Variants in HELZ observed in about 807,000 individuals in gnomAD.
HELZ encodes ATP-dependent RNA helicase with zinc finger domain.
Under a neutral mutation model 218.2 loss-of-function variants are expected in HELZ, and 23 were observed. The ratio of observed to expected loss-of-function variants is 0.11; its 90% CI spans 0.08 to 0.15. The LOEUF is 0.15. Among genes scored for constraint, HELZ ranks in the 10% least tolerant of loss-of-function variants. The pLI is 1.00. For synonymous variants in HELZ, 814 were observed against 829.4 expected (o/e 0.98, Z 0.32); for missense variants, 1,813 against 2,353.7 (o/e 0.77, Z 4.75).
chr17:67,204,969 G>GTGGGTCAGA (rs1013036966), intron 5 of HELZ, among the ~76,000 whole-genome samples: 1 of 152,106 alleles, frequency 6.6e-6, no homozygotes, highest in African/African-American at 2.4e-5. Context: ...GACCCTCAGT[G>GTGGGTCAGA]TGGCCATCTG....
In HELZ at chr17:67,076,153, T is replaced by C. The variant is rs1408466957; in HGVS notation, c.*2099A>G. 1.3e-5 allele frequency: 2 copies of C among 152,408 alleles called. No individual in the cohort carries two copies. The highest frequency in any genetic ancestry group is 6.5e-5 in the Admixed American group (1 of 15,274). 9.4% of individuals were successfully genotyped at this position (152,408 alleles called of 1,614,324 possible). A position where few individuals can be genotyped will look rare whatever the true frequency, so the allele number is the denominator to read the frequency against. ...GATTGCTTTTGAACATTTATCTAGC[T>C]TGCGTTGTAGTCCTGTATATGGGGG... On this transcript the variant is annotated 3_prime_UTR_variant, in exon 33 of 33. Coordinates refer to ENST00000358691, the MANE Select transcript of HELZ (RefSeq NM_014877.4).
At chr17:67,126,975 A>G (rs919331090) in intron 24 of HELZ, among the ~76,000 whole-genome samples, 1 of 152,162 alleles carries the variant, frequency 6.6e-6, no homozygotes, top group Non-Finnish European at 1.5e-5. Flanking sequence ...CTTAAGCTTT[A>G]CTCATTCATT....
In HELZ at chr17:67,152,846, G is replaced by A. The variant is rs527305811; in HGVS notation, c.2178-1622C>T. 7.9e-5 allele frequency among the ~76,000 whole-genome samples: 12 copies of A among 151,676 alleles called. No individual in the cohort carries two copies. In the South Asian group the frequency reaches 2.5e-3, roughly 32 times the overall value. ...CCAACATTCAGAAGCTGGGAAAGGA[G>A]CCTGGGAAGGAGCAAAGAAATAGGA... On this transcript the variant is annotated intron_variant, in intron 17 of 32. Transcript: ENST00000358691.
intron 3 of HELZ, among the ~76,000 whole-genome samples, chr17:67,220,343 C>T (rs1290493273): frequency 4.6e-5 from 7 of 152,158 alleles, no homozygotes. Context: ...TCTACCAAAA[C>T]AGTAGAAATA....
intron 31 of HELZ, among the ~76,000 whole-genome samples, chr17:67,089,043 A>G (rs1360597996): frequency 1.7e-5 from 2 of 118,086 alleles, no homozygotes; most frequent in Admixed American, 1.8e-4. Context: ...GAAATGTAGT[A>G]TTTCTTTCTA....
chr17:67,208,308 G>A (rs966580312), intron 5 of HELZ, among the ~76,000 whole-genome samples: 9 of 152,090 alleles, frequency 5.9e-5, no homozygotes, highest in Admixed American at 2.0e-4. Context: ...AGATCTTCAC[G>A]ATGATGGAGC....
intron 5 of HELZ, among the ~76,000 whole-genome samples, chr17:67,214,776 A>T (rs1456250268): frequency 6.6e-6 from 1 of 152,166 alleles, no homozygotes. Flanking sequence ...TCATTCTAGT[A>T]AACAGCAACA....
intron 5 of HELZ, among the ~76,000 whole-genome samples, chr17:67,210,353 A>T (rs557183343): frequency 6.6e-6 from 1 of 152,334 alleles, no homozygotes; most frequent in East Asian, 1.9e-4. Flanking sequence ...CCTCTTTAAC[A>T]GGGGTTGCTG....
In HELZ at chr17:67,151,157, T is replaced by G; in HGVS notation, c.2245A>C (p.Ser749Arg). The G allele has an allele frequency of 3.7e-6, 6 of 1,614,036 alleles. No homozygotes were observed. The highest frequency in any genetic ancestry group is 5.1e-6 in the Non-Finnish European group (6 of 1,179,904). ...GGCATCTGAAAGGTGGAATGTGCGC[T>G]TGAGATCAAACAGTACTGATGCACA... Reference protein sequence around the residue: ...PVVHQYCLISSAHSTFQMPQK... With the variant: ...PVVHQYCLISRAHSTFQMPQK... Residue 749 changes from serine to arginine, a missense_variant, in exon 18 of 33, where the codon AGC (serine) becomes CGC (arginine). Transcript: ENST00000358691.
In HELZ at chr17:67,220,148, C is replaced by A. The variant is rs927523154; in HGVS notation, c.-18-1326G>T. Among the ~76,000 whole-genome samples the A allele has an allele frequency of 3.9e-5, 6 of 152,284 alleles. No homozygotes were observed. In the East Asian group the frequency reaches 9.6e-4, roughly 24 times the overall value. ...CATATATGTTCTCTGCCAGCCTTCTCGGCTTTTATAATGACACATGGGCCC... is the reference window on the plus strand; with the variant it reads ...CATATATGTTCTCTGCCAGCCTTCTAGGCTTTTATAATGACACATGGGCCC... On this transcript the variant is annotated intron_variant, in intron 3 of 32. Transcript: ENST00000358691.
At chr17:67,199,118 A>G (rs2040101654) in intron 7 of HELZ, among the ~76,000 whole-genome samples, 1 of 152,082 alleles carries the variant, frequency 6.6e-6, no homozygotes, top group Non-Finnish European at 1.5e-5. Flanking sequence ...AGTCTAAAAC[A>G]TCTACAACTG....
At chr17:67,209,122 A>T (rs1441959830) in intron 5 of HELZ, among the ~76,000 whole-genome samples, 4 of 55,576 alleles carry the variant, frequency 7.2e-5, no homozygotes, top group East Asian at 5.1e-4. Context: ...TGGGGAATTA[A>T]AAAAAAAAAA....
intron 31 of HELZ, among the ~76,000 whole-genome samples, chr17:67,104,450 C>A (rs9890174): frequency 0.6 from 87,463 of 146,870 alleles, 27,329 homozygotes; most frequent in East Asian, 0.88. Context: ...AAAAAAAAAA[C>A]AAACAACTAT....
At position 67,166,612 on chromosome 17, in the gene HELZ, A is replaced by T; in HGVS notation, c.1765-4T>A. The stretch of plus-strand genomic sequence containing the variant: ...TTAATTGAAACTGAAGTTCAACCTG[A>T]AAGACAAAATGAATGTTTTAAAAAC... On this transcript the variant is annotated splice_polypyrimidine_tract_variant and splice_region_variant and intron_variant, in intron 14 of 32. Transcript: ENST00000358691. 1 of 1,613,266 alleles carries T rather than the reference A, an allele frequency of 6.2e-7. No individual in the cohort carries two copies. The highest frequency in any genetic ancestry group is 8.5e-7 in the Non-Finnish European group (1 of 1,179,392).
intron 24 of HELZ, among the ~76,000 whole-genome samples, chr17:67,127,277 T>C (rs573997633): frequency 1.2e-4 from 18 of 152,200 alleles, no homozygotes; most frequent in Non-Finnish European, 1.9e-4. Context: ...CTTTAGCACC[T>C]ACAATAACAT....
intron 7 of HELZ, among the ~76,000 whole-genome samples, chr17:67,199,298 C>T (rs2040109925): frequency 6.6e-6 from 1 of 150,458 alleles, no homozygotes; most frequent in Admixed American, 6.7e-5. Flanking sequence ...CTGCAACTTC[C>T]GCCTCCTGGG....
chr17:67,200,664 G>C (rs984978490), intron 7 of HELZ: 3 of 153,656 alleles, frequency 2.0e-5, no homozygotes, highest in African/African-American at 7.2e-5. Flanking sequence ...CTGAGCCAAG[G>C]GAGGTCGAGG....
chr17:67,203,373 C>T lies in HELZ; in HGVS notation c.318G>A (p.Gly106=), dbSNP rs759813800. 2.2e-5 allele frequency: 36 copies of T among 1,614,166 alleles called. No homozygotes were observed. Among genetic ancestry groups the T allele is most frequent in the Non-Finnish European group, 3.0e-5 (35 of 1,180,002 alleles). Residue 106 remains glycine, a synonymous_variant, in exon 6 of 33, where the codon GGG becomes GGA. Coordinates refer to ENST00000358691, the MANE Select transcript of HELZ (RefSeq NM_014877.4). ...GAATGGTGGATACAGGTTGGAGCTT[C>T]CCTTTCAGCTGCATGCAGCAAAGCA... ...RAVLCCMQLK[G]KLQPVSTILA...
intron 31 of HELZ, among the ~76,000 whole-genome samples, chr17:67,090,814 C>T (rs979922531): frequency 7.2e-5 from 11 of 151,942 alleles, no homozygotes; most frequent in African/African-American, 2.2e-4. Context: ...CTAATCTTTC[C>T]GAACAACTAA....
Sources: gnomAD v4.1 joint callset for allele counts (sites outside exome capture counted in the v4.1 genomes callset) on GRCh38, gnomAD v4.1.1 for gene constraint, MANE v1.5 for transcripts, NCBI Gene and HGNC (gene_info 2026-07-23, HGNC 2026-07-21) for gene names.